Variants in UTP6 observed in about 807,000 individuals in gnomAD.
The protein encoded by UTP6 is UTP6 small subunit processome component.
UTP6 carries 60 observed loss-of-function variants against 96.5 expected under a neutral mutation model. That is an observed-to-expected ratio of 0.62 (90% CI 0.51 to 0.77). The LOEUF is 0.77. UTP6 is among the 30% of genes least tolerant of loss of function. UTP6 has a pLI of 0.00. For missense variants in UTP6, 637 were observed against 706.5 expected, an observed-to-expected ratio of 0.90 and a Z score of 1.12; for synonymous variants, 215 against 240.1, an observed-to-expected ratio of 0.90 and a Z score of 0.96.
Position 31,884,423 on chromosome 17 carries a change from C to T in UTP6, c.785+1G>A, listed in dbSNP as rs1911028516. ...TTCACCTTTCTACTAACTTTACTTA[C>T]TCATCATAAATCTCTTTTTGTAGAT... On this transcript the variant is annotated splice_donor_variant, in intron 10 of 18. Coordinates refer to ENST00000261708, the MANE Select transcript of UTP6 (RefSeq NM_018428.3). LOFTEE classifies it high-confidence loss of function. 4 of 1,605,562 alleles carry T rather than the reference C, an allele frequency of 2.5e-6. No homozygotes were observed. In the South Asian group the frequency reaches 4.5e-5, roughly 18 times the overall value.
intron 6 of UTP6, 93 bp downstream of exon 6, chr17:31,892,167 A>G: frequency 7.0e-7 from 1 of 1,419,818 alleles, no homozygotes; most frequent in Non-Finnish European, 9.8e-7. Context: ...AAGTCCTCAA[A>G]ATAATTTCTC....
Position 31,894,971 on chromosome 17 carries a change from G to C in UTP6, c.218C>G (p.Thr73Arg), listed in dbSNP as rs1168154867. 1 of 1,562,624 alleles carries C rather than the reference G, an allele frequency of 6.4e-7. No homozygotes were observed. The highest frequency in any genetic ancestry group is 1.4e-5 in the African/African-American group (1 of 73,738). Residue 73 changes from threonine to arginine, a missense_variant and splice_region_variant, in exon 3 of 19, where the codon ACA becomes AGA. Physicochemically the swap from Thr to Arg is moderately conservative, Grantham distance 71. Transcript: ENST00000261708. Reference protein sequence around the residue: ...NLLELIQRRRTRIGYSFKKDE... With the variant: ...NLLELIQRRRRRIGYSFKKDE... Reference sequence around the variant, plus strand: ...ACTTCTAGAAAATCTTCTACTTACTGTTCTTCTTCTCTGGATCAGCTCCAA... The same window carrying C: ...ACTTCTAGAAAATCTTCTACTTACTCTTCTTCTTCTCTGGATCAGCTCCAA...
chr17:31,885,996 A>G lies in UTP6; in HGVS notation c.687T>C (p.Ser229=). 6.2e-7 allele frequency: 1 copy of G among 1,613,482 alleles called. No homozygotes were observed. The highest frequency in any genetic ancestry group is 2.2e-5 in the East Asian group (1 of 44,866). The change falls in exon 9 of 19, where the codon TCT becomes TCC. Residue 229 remains serine, a synonymous_variant. Coordinates refer to ENST00000261708, the MANE Select transcript of UTP6 (RefSeq NM_018428.3). ...GELAWIIYKN[S]VSIIKGAEFH... ...GATACCTACCTTTAATTATGCTTAC[A>G]GAATTTTTGTAGATGATCCATGCCA...
At chr17:31,865,919 T>C (rs551567159) in intron 17 of UTP6, among the ~76,000 whole-genome samples, 1 of 152,186 alleles carries the variant, frequency 6.6e-6, no homozygotes, top group Non-Finnish European at 1.5e-5. Flanking sequence ...TAAAACAAGC[T>C]TTAATATCTC....
At chr17:31,870,614 C>T (rs1260933447) in intron 16 of UTP6, among the ~76,000 whole-genome samples, 42 of 151,232 alleles carry the variant, frequency 2.8e-4, no homozygotes, top group South Asian at 4.2e-4. Context: ...CTCCGCCTCC[C>T]GGGTTCATGC....
chr17:31,864,492 G>A (rs1181007030), intron 18 of UTP6, among the ~76,000 whole-genome samples: 1 of 152,204 alleles, frequency 6.6e-6, no homozygotes, highest in East Asian at 1.9e-4. Flanking sequence ...TCCTACAAAT[G>A]AGGGCAATGT....
At chr17:31,898,956 CG>C (rs1904814263) in intron 2 of UTP6, among the ~76,000 whole-genome samples, 1 of 150,978 alleles carries the variant, frequency 6.6e-6, no homozygotes, top group Non-Finnish European at 1.5e-5. Context: ...CACTAGAACC[CG>C]GAAGGCAGTG....
intron 6 of UTP6, among the ~76,000 whole-genome samples, chr17:31,891,313 A>G (rs1215022159): frequency 6.6e-6 from 1 of 152,138 alleles, no homozygotes; most frequent in Non-Finnish European, 1.5e-5. Context: ...TCCCCTACCT[A>G]CTGATATGAT....
At chr17:31,872,357 C>T (rs1910222084) in intron 16 of UTP6, among the ~76,000 whole-genome samples, 2 of 151,870 alleles carry the variant, frequency 1.3e-5, no homozygotes, top group South Asian at 4.1e-4. Context: ...CAATGAACTG[C>T]TTTTATTGTT....
Position 31,868,037 on chromosome 17 carries a change from A to T in UTP6, c.1563+9T>A, listed in dbSNP as rs1567776348. 1 of 1,612,492 alleles carries T rather than the reference A, an allele frequency of 6.2e-7. No homozygotes were observed. Among genetic ancestry groups the T allele is most frequent in the Non-Finnish European group, 8.5e-7 (1 of 1,179,034 alleles). Reference sequence around the variant, plus strand: ...TCCCAGACAAGAAATGCTGAAACAGAACACTTACTTGCTCCTTTTCAAACT... The same window carrying T: ...TCCCAGACAAGAAATGCTGAAACAGTACACTTACTTGCTCCTTTTCAAACT... On this transcript the variant is annotated intron_variant, in intron 17 of 18. Transcript: ENST00000261708.
chr17:31,873,303 A>T (rs1485249220), intron 16 of UTP6, 75 bp downstream of exon 16: 3 of 1,373,762 alleles, frequency 2.2e-6, no homozygotes, highest in Non-Finnish European at 3.1e-6. Context: ...GCTATCTGTG[A>T]TTCAAATAAT....
intron 17 of UTP6, among the ~76,000 whole-genome samples, chr17:31,866,286 CAA>C (rs869110895): frequency 0.059 from 3,424 of 57,986 alleles, 114 homozygotes; most frequent in African/African-American, 0.17. Flanking sequence ...GACTCTGTCT[CAA>C]AAAAAAAAAA....
At chr17:31,891,877 G>A (rs967088911) in intron 6 of UTP6, among the ~76,000 whole-genome samples, 4 of 152,174 alleles carry the variant, frequency 2.6e-5, no homozygotes, top group African/African-American at 7.2e-5. Context: ...ACAAAAATTA[G>A]CTGGGCGTGG....
At chr17:31,885,306 A>G (rs949417882) in intron 9 of UTP6, among the ~76,000 whole-genome samples, 2 of 151,096 alleles carry the variant, frequency 1.3e-5, no homozygotes, top group Non-Finnish European at 3.0e-5. Context: ...CACCACACCC[A>G]GCTAATTTTT....
intron 10 of UTP6, among the ~76,000 whole-genome samples, chr17:31,883,142 T>C (rs1910941259): frequency 1.3e-5 from 2 of 151,906 alleles, no homozygotes; most frequent in South Asian, 4.2e-4. Context: ...AAGATCAACC[T>C]GGGCAACATA....
At chr17:31,875,037 T>A (rs2301765) in intron 14 of UTP6, among the ~76,000 whole-genome samples, 197 bp downstream of exon 14, 133,312 of 152,230 alleles carry the variant, frequency 0.88, 58,617 homozygotes, top group African/African-American at 0.96. Flanking sequence ...GAAGTTTTAT[T>A]TAATTTGGTT....
chr17:31,899,832 C>G, intron 1 of UTP6, 102 bp from the exon 2 acceptor site: 1 of 844,288 alleles, frequency 1.2e-6, no homozygotes, highest in Non-Finnish European at 1.7e-6. Context: ...ATACGAAATT[C>G]CTAGAGTTAT....
chr17:31,878,392 T>C (rs1244894575), intron 12 of UTP6, 65 bp from the exon 13 acceptor site: 11 of 1,487,328 alleles, frequency 7.4e-6, no homozygotes, highest in East Asian at 2.3e-5. Flanking sequence ...GCCTCTGACA[T>C]GAACAAAAGC....
At position 31,892,938 on chromosome 17, in the gene UTP6, C is replaced by T. The variant is rs114691501; in HGVS notation, c.313-144G>A. 2.6e-3 allele frequency: 2,346 copies of T among 906,888 alleles called. 32 individuals are homozygous for T. The African/African-American group carries it at 0.036, about 14-fold the overall frequency. 56.2% of individuals were successfully genotyped at this position (906,888 alleles called of 1,614,324 possible). A position where few individuals can be genotyped will look rare whatever the true frequency, so the allele number is the denominator to read the frequency against. On this transcript the variant is annotated intron_variant, in intron 4 of 18. Coordinates refer to ENST00000261708, the MANE Select transcript of UTP6 (RefSeq NM_018428.3). ...CTGTAATCCCACCACTTTGTGAAGC[C>T]GAAGCGGGCGGATCACTTGAGGTCA...
Sources: allele counts gnomAD v4.1 joint callset (sites outside exome capture counted in the v4.1 genomes callset), GRCh38; gene constraint gnomAD v4.1.1; transcripts MANE v1.5; gene names NCBI Gene and HGNC (gene_info 2026-07-23, HGNC 2026-07-21).